DGKB: variants seen among roughly 807,000 people sequenced by gnomAD.
The protein encoded by DGKB is diacylglycerol kinase beta, also known as 90 kDa diacylglycerol kinase.
In DGKB, 67 loss-of-function variants were observed where a neutral mutation model predicts 114.3. That is an observed-to-expected ratio of 0.59 (90% confidence interval 0.48 to 0.72). DGKB has a LOEUF of 0.72. Ranked by LOEUF, DGKB falls within the 30% of genes least tolerant of loss-of-function variation. DGKB has a pLI of 0.00. For missense variants in DGKB, 907 were observed against 975.2 expected (o/e 0.93, Z 0.93); for synonymous variants, 398 against 323.1 (o/e 1.23, Z -2.49).
In DGKB at chr7:14,935,820, T is replaced by C. The variant is rs190544246; in HGVS notation, c.-188+38876A>G. On this transcript the variant is annotated intron_variant, in intron 1 of 4. Coordinates refer to the DGKB transcript ENST00000437998. ...AACCTCATGGAACTAATATTTTGTA[T>C]AAAAGTGCTTCTCAAAACAAGTCAT... Among the ~76,000 whole-genome samples the C allele has an allele frequency of 2.0e-5, 3 of 152,214 alleles. No individual in the cohort carries two copies. The East Asian group carries it at 5.8e-4, about 29-fold the overall frequency.
At chr7:14,215,249 A>C (rs1445171281) in intron 23 of DGKB, among the ~76,000 whole-genome samples, 1 of 152,134 alleles carries the variant, frequency 6.6e-6, no homozygotes, top group African/African-American at 2.4e-5. Flanking sequence ...ATAAGAAAGG[A>C]ACCTGTAGTA....
At chr7:14,742,090 T>C (rs1348691708) in intron 4 of DGKB, among the ~76,000 whole-genome samples, 2 of 152,212 alleles carry the variant, frequency 1.3e-5, no homozygotes, top group African/African-American at 4.8e-5. Flanking sequence ...ATGGAAAAGA[T>C]ATAATGTATT....
At chr7:14,533,160 T>A (rs1183489074) in intron 20 of DGKB, among the ~76,000 whole-genome samples, 1 of 151,540 alleles carries the variant, frequency 6.6e-6, no homozygotes. Flanking sequence ...GTTCAGCAAA[T>A]AAACATAAAC....
chr7:14,155,335 T>C (rs751272018), intron 25 of DGKB, among the ~76,000 whole-genome samples: 1 of 152,246 alleles, frequency 6.6e-6, no homozygotes. Flanking sequence ...GATACATATG[T>C]ATTTTTAAAC....
chr7:14,855,298 A>C (rs1403986305), intron 1 of DGKB, among the ~76,000 whole-genome samples: 1 of 152,196 alleles, frequency 6.6e-6, no homozygotes, highest in Non-Finnish European at 1.5e-5. Flanking sequence ...ACTTTCAACT[A>C]ACAGATTCCT....
intron 12 of DGKB, among the ~76,000 whole-genome samples, chr7:14,680,650 T>C (rs540970661): frequency 6.6e-6 from 1 of 151,954 alleles, no homozygotes; most frequent in Non-Finnish European, 1.5e-5. Context: ...AATTTTAAGA[T>C]GCTTTGTGTA....
chr7:14,563,797 C>G (rs113798299), intron 20 of DGKB, among the ~76,000 whole-genome samples: 56 of 152,082 alleles, frequency 3.7e-4, no homozygotes, highest in African/African-American at 1.3e-3. Flanking sequence ...ACAGACTAGC[C>G]TTGTATGGAA....
At chr7:14,323,360 C>G (rs1286871185) in intron 23 of DGKB, among the ~76,000 whole-genome samples, 2 of 152,046 alleles carry the variant, frequency 1.3e-5, no homozygotes, top group Admixed American at 1.3e-4. Flanking sequence ...GGTGTATTGA[C>G]TATCAAAATT....
chr7:14,480,197 T>G (rs1347015635), intron 20 of DGKB, among the ~76,000 whole-genome samples: 1 of 151,978 alleles, frequency 6.6e-6, no homozygotes, highest in Non-Finnish European at 1.5e-5. Context: ...TAGACTATAA[T>G]TGGGTAAACT....
At chr7:14,516,036 T>C (rs1014450145) in intron 20 of DGKB, among the ~76,000 whole-genome samples, 1 of 152,032 alleles carries the variant, frequency 6.6e-6, no homozygotes, top group East Asian at 1.9e-4. Context: ...TTTGGGGGGA[T>C]GGGGTTTTGC....
At chr7:14,562,063 TA>T (rs1471114027) in intron 20 of DGKB, among the ~76,000 whole-genome samples, 1 of 152,206 alleles carries the variant, frequency 6.6e-6, no homozygotes, top group Non-Finnish European at 1.5e-5. Context: ...ATGTCTCAGC[TA>T]CTCCAGCTGT....
rs190383596 is a variant in DGKB, at chr7:14,285,209, C to T, written c.2122+53306G>A. Among the ~76,000 whole-genome samples the T allele has an allele frequency of 3.7e-4, 57 of 152,188 alleles. 1 individual carries two copies. In the East Asian group the frequency reaches 9.9e-3, roughly 26 times the overall value. Reference sequence around the variant, plus strand: ...GATTTGACCATATAGGTATACTCTGCCCTAGCAGGGCTCCTAAAATATACT... The same window carrying T: ...GATTTGACCATATAGGTATACTCTGTCCTAGCAGGGCTCCTAAAATATACT... On this transcript the variant is annotated intron_variant, in intron 23 of 25. Coordinates refer to ENST00000402815, the MANE Select transcript of DGKB (RefSeq NM_001350709.2).
At chr7:14,437,401 G>A (rs1159191114) in intron 21 of DGKB, among the ~76,000 whole-genome samples, 1 of 152,034 alleles carries the variant, frequency 6.6e-6, no homozygotes, top group East Asian at 1.9e-4. Flanking sequence ...ACACTTACCA[G>A]CTCATTGGTT....
intron 21 of DGKB, among the ~76,000 whole-genome samples, chr7:14,405,434 G>C (rs1823785643): frequency 6.6e-6 from 1 of 151,854 alleles, no homozygotes; most frequent in Admixed American, 6.6e-5. Context: ...TGTTAAATTT[G>C]GATAATAATA....
intron 20 of DGKB, among the ~76,000 whole-genome samples, chr7:14,531,349 A>G (rs1453189914): frequency 6.6e-6 from 1 of 151,516 alleles, no homozygotes; most frequent in East Asian, 1.9e-4. Context: ...TTTATAAATA[A>G]GTTTGGCAAG....
At chr7:14,545,970 G>A (rs954291659) in intron 20 of DGKB, among the ~76,000 whole-genome samples, 3 of 152,154 alleles carry the variant, frequency 2.0e-5, no homozygotes, top group Non-Finnish European at 4.4e-5. Context: ...TTAAGGGAAC[G>A]AGAGTATTGG....
chr7:14,228,004 A>G (rs1423636257), intron 23 of DGKB, among the ~76,000 whole-genome samples: 3 of 152,046 alleles, frequency 2.0e-5, no homozygotes, highest in Non-Finnish European at 4.4e-5. Context: ...GCCCTTGTCT[A>G]TGCTGAACTA....
At chr7:14,772,926 T>G (rs1837628120) in intron 2 of DGKB, among the ~76,000 whole-genome samples, 1 of 150,862 alleles carries the variant, frequency 6.6e-6, no homozygotes, top group Non-Finnish European at 1.5e-5. Flanking sequence ...GACTACATCT[T>G]CCAGCTTTCT....
chr7:14,528,393 A>C (rs1314434543), intron 20 of DGKB, among the ~76,000 whole-genome samples: 1 of 152,094 alleles, frequency 6.6e-6, no homozygotes. Context: ...TTGCTCTGTA[A>C]TTACATGGTA....
Sources: gnomAD v4.1 joint callset for allele counts (sites outside exome capture counted in the v4.1 genomes callset) on GRCh38, gnomAD v4.1.1 for gene constraint, MANE v1.5 for transcripts, NCBI Gene and HGNC (gene_info 2026-07-23, HGNC 2026-07-21) for gene names.